Variants in RGS8 observed in about 807,000 individuals in gnomAD.
RGS8 encodes regulator of G protein signaling 8.
A neutral mutation model predicts 21.7 loss-of-function variants in RGS8; 8 were observed. That is an observed-to-expected ratio of 0.37 (90% CI 0.22 to 0.66). The LOEUF (loss-of-function observed/expected upper bound fraction) is 0.66. Among genes scored for constraint, RGS8 ranks in the 30% least tolerant of loss-of-function variants. The pLI, the probability that RGS8 is intolerant of heterozygous loss-of-function variation, is 0.59. For synonymous variants in RGS8, 80 were observed against 83.6 expected, an observed-to-expected ratio of 0.96 and a Z score of 0.24; for missense variants, 157 against 217.9, an observed-to-expected ratio of 0.72 and a Z score of 1.76.
At chr1:182,677,800 C>T (rs1432601252), upstream of RGS8, among the ~76,000 whole-genome samples, 1 of 152,184 alleles carries the variant, frequency 6.6e-6, no homozygotes, top group Non-Finnish European at 1.5e-5. Context: ...ATTTTGGAGG[C>T]TTTGGTGTCT....
the RGS8 span, among the ~76,000 whole-genome samples, chr1:182,714,943 G>A: frequency 2.0e-5 from 3 of 152,118 alleles, no homozygotes; most frequent in Admixed American, 1.3e-4. Context: ...AAATGGATGC[G>A]TTACCCCTAC....
chr1:182,664,688 G>T (rs1332335943), intron 5 of RGS8, among the ~76,000 whole-genome samples: 1 of 151,992 alleles, frequency 6.6e-6, no homozygotes, highest in African/African-American at 2.4e-5. Context: ...TTGCTGTTTG[G>T]GGTGTAGCCA....
the RGS8 span, among the ~76,000 whole-genome samples, chr1:182,750,122 G>C: frequency 2.0e-5 from 3 of 152,214 alleles, no homozygotes; most frequent in Admixed American, 2.0e-4. Context: ...AAATTATTTA[G>C]TGAATGCAGA....
At chr1:182,656,752 C>G (rs1401385823) in intron 5 of RGS8, among the ~76,000 whole-genome samples, 1 of 152,178 alleles carries the variant, frequency 6.6e-6, no homozygotes, top group Non-Finnish European at 1.5e-5. Flanking sequence ...GAATGGCCCT[C>G]CCTCATGGGC....
At chr1:182,687,061 C>T (rs951359149), upstream of RGS8, among the ~76,000 whole-genome samples, 1 of 152,202 alleles carries the variant, frequency 6.6e-6, no homozygotes, top group African/African-American at 2.4e-5. Context: ...CCACCGGGAA[C>T]GTGGCTTAGT....
intron 2 of RGS8, among the ~76,000 whole-genome samples, chr1:182,670,450 C>G (rs1449159029): frequency 6.6e-6 from 1 of 152,230 alleles, no homozygotes; most frequent in Non-Finnish European, 1.5e-5. Context: ...AGGTTGAAAG[C>G]TGATTGACTT....
upstream of RGS8, chr1:182,672,009 C>G: frequency 9.8e-7 from 1 of 1,020,316 alleles, no homozygotes; most frequent in Non-Finnish European, 1.3e-6. Flanking sequence ...GCAGAAGGTG[C>G]CCCTGAGCTG....
the RGS8 span, among the ~76,000 whole-genome samples, chr1:182,748,877 T>C: frequency 6.6e-6 from 1 of 152,348 alleles, no homozygotes; most frequent in East Asian, 1.9e-4. Context: ...TATTTTCATA[T>C]ACCTGCTGGC....
chr1:182,740,634 G>A, the RGS8 span, among the ~76,000 whole-genome samples: 3 of 142,828 alleles, frequency 2.1e-5, no homozygotes, highest in Non-Finnish European at 4.6e-5. Flanking sequence ...GGACAATAGT[G>A]GAGGGAAGGT....
At chr1:182,648,447 T>C in intron 5 of RGS8, 144 bp from the exon 7 acceptor site, 1 of 818,538 alleles carries the variant, frequency 1.2e-6, no homozygotes, top group Admixed American at 2.5e-5. Context: ...GAAGACCCCA[T>C]TCTCATCTGG....
the RGS8 span, among the ~76,000 whole-genome samples, chr1:182,750,304 T>C: frequency 1.3e-5 from 2 of 152,230 alleles, no homozygotes; most frequent in African/African-American, 4.8e-5. Flanking sequence ...CCACATTTTT[T>C]AGTTCCAGGC....
chr1:182,645,693 A>G (rs1241600494), downstream of RGS8: 1 of 152,206 alleles, frequency 6.6e-6, no homozygotes, highest in Non-Finnish European at 1.5e-5. Context: ...TGCTGGAAAG[A>G]GTTTCAGCCT....
At chr1:182,737,297 ATT>A in the RGS8 span, among the ~76,000 whole-genome samples, 1 of 151,418 alleles carries the variant, frequency 6.6e-6, no homozygotes, top group Non-Finnish European at 1.5e-5. Flanking sequence ...AAAAAAAAAA[ATT>A]AACTATATAA....
chr1:182,722,821 GA>G, the RGS8 span, among the ~76,000 whole-genome samples: 14 of 151,624 alleles, frequency 9.2e-5, no homozygotes, highest in African/African-American at 2.9e-4. Flanking sequence ...CTAAAAAATA[GA>G]AAAAAATTAG....
chr1:182,686,499 G>A (rs115980862), upstream of RGS8, among the ~76,000 whole-genome samples: 5,000 of 152,244 alleles, frequency 0.033, 117 homozygotes, highest in Non-Finnish European at 0.044. Flanking sequence ...TTAGCATGAC[G>A]AGATCCTCTG....
exon 7 of RGS8, chr1:182,646,694 G>A (rs749651324): frequency 6.5e-7 from 1 of 1,549,562 alleles, no homozygotes; most frequent in South Asian, 1.2e-5. Context: ...GCAGCAAGTG[G>A]AGGGGAAAGC....
upstream of RGS8, among the ~76,000 whole-genome samples, chr1:182,676,132 G>A (rs1487898261): frequency 6.6e-6 from 1 of 152,208 alleles, no homozygotes; most frequent in Non-Finnish European, 1.5e-5. Flanking sequence ...AGCCTGGTCA[G>A]GGCAGTGTGG....
At chr1:182,644,726 A>G (rs1662628469), downstream of RGS8, 1 of 152,212 alleles carries the variant, frequency 6.6e-6, no homozygotes, top group South Asian at 2.1e-4. Flanking sequence ...GCAGATGCAC[A>G]TTTCATATGT....
At chr1:182,643,336 C>CCCCCCG (rs1453175422), downstream of RGS8, 2 of 136,080 alleles carry the variant, frequency 1.5e-5, no homozygotes, top group African/African-American at 6.0e-5. Flanking sequence ...CCCCCGCCCC[C>CCCCCCG]GCGCTGTGTT....
Sources: gnomAD v4.1 joint callset for allele counts (sites outside exome capture counted in the v4.1 genomes callset) on GRCh38, gnomAD v4.1.1 for gene constraint, MANE v1.5 for transcripts, NCBI Gene and HGNC (gene_info 2026-07-23, HGNC 2026-07-21) for gene names.